Variants in USP42 observed in about 807,000 individuals in gnomAD.
USP42 encodes ubiquitin specific peptidase 42.
A neutral mutation model predicts 113.0 loss-of-function variants in USP42; 23 were observed. That is an observed-to-expected ratio of 0.20 (90% CI 0.15 to 0.29). The LOEUF (loss-of-function observed/expected upper bound fraction) is 0.29. Among genes scored for constraint, USP42 ranks in the 10% least tolerant of loss-of-function variants. USP42 has a pLI of 1.00. For missense variants in USP42, 2,174 were observed against 1,779.8 expected (o/e 1.22, Z -3.99); for synonymous variants, 933 against 699.0 (o/e 1.33, Z -5.28).
At chr7:6,107,133 T>A (rs1252800200) in intron 1 of USP42, among the ~76,000 whole-genome samples, 1 of 152,180 alleles carries the variant, frequency 6.6e-6, no homozygotes, top group Non-Finnish European at 1.5e-5. Context: ...ATAGCTTTGG[T>A]TGGTTTTTCC....
In USP42 at chr7:6,115,535, G is replaced by T. The variant is rs62454267; in HGVS notation, c.442+12G>T. The T allele has an allele frequency of 0.21, 340,429 of 1,612,752 alleles. 39,750 individuals carry two copies. The highest frequency in any genetic ancestry group is 0.3 in the Middle Eastern group (1,791 of 6,062). On this transcript the variant is annotated intron_variant, in intron 3 of 17. Transcript: ENST00000306177. ...ACACTCCAAAACATGTAAGTGTTCC[G>T]TGTTGTGTTTGTAGTATTGTAGTGC... is the stretch of plus-strand genomic sequence containing the variant.
upstream of USP42, among the ~76,000 whole-genome samples, chr7:6,104,601 C>G (rs1332945122): frequency 6.6e-6 from 1 of 152,214 alleles, no homozygotes; most frequent in Non-Finnish European, 1.5e-5. Context: ...CAAAGTCCTA[C>G]GCCCGCCGCG....
chr7:6,121,183 T>G (rs973855317), intron 3 of USP42, among the ~76,000 whole-genome samples: 1 of 152,176 alleles, frequency 6.6e-6, no homozygotes, highest in African/African-American at 2.4e-5. Context: ...CATTACATTG[T>G]TAAATAGAGG....
Position 6,159,195 on chromosome 7 carries a change from T to C in USP42, c.3944-255T>C, listed in dbSNP as rs1022860245. Among the ~76,000 whole-genome samples the C allele has an allele frequency of 1.3e-5, 2 of 152,180 alleles. No homozygotes were observed. Among genetic ancestry groups the C allele is most frequent in the Non-Finnish European group, 2.9e-5 (2 of 68,026 alleles). On this transcript the variant is annotated intron_variant, in intron 16 of 17. Coordinates refer to ENST00000306177, the MANE Select transcript of USP42 (RefSeq NM_032172.3). This position sits in a 1 kb window ranked among gnomAD's most constrained non-coding sequence, Gnocchi z 4.1. ...CCCAGTTCAGTTCTTGGGCCTGATA[T>C]CTGTTCTAACATCAGGCTGCGTGTG...
At chr7:6,143,577 A>G (rs1215569430) in intron 8 of USP42, among the ~76,000 whole-genome samples, 1 of 152,160 alleles carries the variant, frequency 6.6e-6, no homozygotes, top group Admixed American at 6.5e-5. Context: ...GTCAGGTAAT[A>G]GAAGTAATTT....
chr7:6,097,571 C>G, the USP42 span, among the ~76,000 whole-genome samples: 1 of 150,190 alleles, frequency 6.7e-6, no homozygotes, highest in Non-Finnish European at 1.5e-5. Context: ...TGCGCCCAGC[C>G]ATGTGGGTTA....
intron 11 of USP42, among the ~76,000 whole-genome samples, chr7:6,146,692 C>G (rs1190661384): frequency 6.6e-6 from 1 of 152,200 alleles, no homozygotes; most frequent in Non-Finnish European, 1.5e-5. Flanking sequence ...TCAACTCTGC[C>G]ATGTGCCTGG....
chr7:6,135,431 T>C (rs1336184301), intron 3 of USP42, among the ~76,000 whole-genome samples: 4 of 151,788 alleles, frequency 2.6e-5, no homozygotes, highest in African/African-American at 9.7e-5. Context: ...GTGGATTGCC[T>C]GAGGTCAGGA....
intron 3 of USP42, among the ~76,000 whole-genome samples, chr7:6,134,366 G>T (rs1017884566): frequency 1.3e-5 from 2 of 152,054 alleles, no homozygotes; most frequent in African/African-American, 4.8e-5. Flanking sequence ...TGCGTGCCTT[G>T]TACTGTTTGA....
At chr7:6,126,565 A>G (rs1015267175) in intron 3 of USP42, among the ~76,000 whole-genome samples, 4 of 152,102 alleles carry the variant, frequency 2.6e-5, no homozygotes, top group African/African-American at 4.8e-5. Context: ...GATTACAGGC[A>G]TGAGCCACTG....
Position 6,139,173 on chromosome 7 carries a change from C to T in USP42, c.635C>T (p.Ala212Val). The T allele has an allele frequency of 6.2e-7, 1 of 1,606,562 alleles. No individual in the cohort carries two copies. The highest frequency in any genetic ancestry group is 8.5e-7 in the Non-Finnish European group (1 of 1,176,630). Residue 212 changes from alanine (A) to valine (V), a missense_variant, in exon 5 of 18, where the codon GCA (alanine) becomes GTA (valine). Coordinates refer to ENST00000306177, the MANE Select transcript of USP42 (RefSeq NM_032172.3). The surrounding 1 kb of genome is among the most constrained non-coding windows in gnomAD (Gnocchi z 4.5). Reference protein sequence around the residue: ...LQYTVDAMQKACLNGSNKLDR... With the variant: ...LQYTVDAMQKVCLNGSNKLDR... ...TACACTGTTGATGCTATGCAGAAAG[C>T]ATGCTTGAATGGCAGCAATAAGTAA... is the stretch of plus-strand genomic sequence containing the variant.
intron 15 of USP42, among the ~76,000 whole-genome samples, chr7:6,155,459 T>G (rs912729144): frequency 6.6e-6 from 1 of 152,356 alleles, no homozygotes; most frequent in East Asian, 1.9e-4. Context: ...TAGTGCCATT[T>G]TTGGTGAATG....
At chr7:6,134,180 C>G (rs905674268) in intron 3 of USP42, among the ~76,000 whole-genome samples, 3 of 152,098 alleles carry the variant, frequency 2.0e-5, no homozygotes, top group Non-Finnish European at 4.4e-5. Flanking sequence ...TATGAGCCAC[C>G]AGGCTCAGCC....
chr7:6,086,258 T>G, the USP42 span, among the ~76,000 whole-genome samples: 1 of 140,506 alleles, frequency 7.1e-6, no homozygotes, highest in African/African-American at 2.9e-5. Context: ...CAGGCTGGAG[T>G]GTAGTGGCGC....
chr7:6,102,744 G>C (rs947872158), upstream of USP42, among the ~76,000 whole-genome samples: 2 of 150,842 alleles, frequency 1.3e-5, no homozygotes, highest in Non-Finnish European at 2.9e-5. Context: ...TGTTATGGTT[G>C]AAACACATAA....
the USP42 span, among the ~76,000 whole-genome samples, chr7:6,094,339 T>A: frequency 2.8e-4 from 43 of 151,128 alleles, 3 homozygotes; most frequent in African/African-American, 1.0e-3. Flanking sequence ...ACCTGGCTAA[T>A]TTTTTATTTT....
chr7:6,104,665 C>G (rs899093393), upstream of USP42, among the ~76,000 whole-genome samples: 1 of 152,152 alleles, frequency 6.6e-6, no homozygotes, highest in Non-Finnish European at 1.5e-5. Context: ...CTTTCGCCGG[C>G]GCGCAGACGC....
At chr7:6,128,487 T>C (rs1411318035) in intron 3 of USP42, among the ~76,000 whole-genome samples, 2 of 152,152 alleles carry the variant, frequency 1.3e-5, no homozygotes, top group Non-Finnish European at 2.9e-5. Flanking sequence ...TTTATCCTTT[T>C]ACTTTCAGCC....
chr7:6,123,693 A>G (rs1780363243), intron 3 of USP42, among the ~76,000 whole-genome samples: 1 of 151,766 alleles, frequency 6.6e-6, no homozygotes, highest in Non-Finnish European at 1.5e-5. Flanking sequence ...ATAAAATATT[A>G]AAAAATTAGC....
Sources: allele counts gnomAD v4.1 joint callset (sites outside exome capture counted in the v4.1 genomes callset), GRCh38; gene constraint gnomAD v4.1.1; non-coding constraint Gnocchi (gnomAD v3.1); transcripts MANE v1.5; gene names NCBI Gene and HGNC (gene_info 2026-07-23, HGNC 2026-07-21).